Variants in GPC1 observed in about 807,000 individuals in gnomAD.
GPC1 encodes the protein glypican 1.
A neutral mutation model predicts 51.5 loss-of-function variants in GPC1; 26 were observed. The observed-to-expected ratio is 0.50, with a 90% CI of 0.37 to 0.70. The LOEUF is 0.70. Among genes scored for constraint, GPC1 ranks in the 30% least tolerant of loss-of-function variants. The pLI is 0.00. For missense variants in GPC1, 775 were observed against 800.5 expected, an observed-to-expected ratio of 0.97 and a Z score of 0.38; for synonymous variants, 380 against 348.3, an observed-to-expected ratio of 1.09 and a Z score of -1.01.
chr2:240,435,861 C>G lies in GPC1; in HGVS notation c.-58C>G. On this transcript the variant is annotated 5_prime_UTR_variant, in exon 1 of 9. Coordinates refer to ENST00000264039, the MANE Select transcript of GPC1 (RefSeq NM_002081.3). Reference sequence around the variant, plus strand: ...CTTCGCGGGCGGGAACTGCGCAGGACCCGGCCAGGATCCGAGAGAGGCGCG... The same window carrying G: ...CTTCGCGGGCGGGAACTGCGCAGGAGCCGGCCAGGATCCGAGAGAGGCGCG... 1 of 1,123,528 alleles carries G rather than the reference C, an allele frequency of 8.9e-7. No homozygotes were observed. Among genetic ancestry groups the G allele is most frequent in the Non-Finnish European group, 1.1e-6 (1 of 893,374 alleles). 69.6% of individuals were successfully genotyped at this position (1,123,528 alleles called of 1,614,324 possible). A position where few individuals can be genotyped will look rare whatever the true frequency, so the allele number is the denominator to read the frequency against.
intron 2 of GPC1, 71 bp downstream of exon 2, chr2:240,459,259 T>G: frequency 7.2e-7 from 1 of 1,394,788 alleles, no homozygotes; most frequent in Non-Finnish European, 9.9e-7. Flanking sequence ...CACTGGGCCT[T>G]GCCTGGTGTG....
chr2:240,461,143 C>T (rs1034416755), intron 2 of GPC1, among the ~76,000 whole-genome samples: 9 of 152,302 alleles, frequency 5.9e-5, no homozygotes, highest in East Asian at 5.8e-4. Flanking sequence ...GCGTTCCAGG[C>T]GCCAGGACCC....
At chr2:240,450,451 T>TG (rs2074087425) in intron 1 of GPC1, 2 of 387,948 alleles carry the variant, frequency 5.2e-6, no homozygotes, top group Non-Finnish European at 1.1e-5. Context: ...CCTGTGACCT[T>TG]GCACAGGTCA....
intron 1 of GPC1, among the ~76,000 whole-genome samples, chr2:240,436,657 C>T (rs1191984697): frequency 1.3e-5 from 2 of 152,262 alleles, no homozygotes; most frequent in South Asian, 2.1e-4. Context: ...AAGCTGACCC[C>T]CTCGGGGGGT....
At position 240,466,751 on chromosome 2, in the gene GPC1, A is replaced by G; in HGVS notation, c.*461A>G. ...CCCCCAGCCTCCAGAGAAGCCCCGC[A>G]CGGGCTGTCTGGGTGTCCGCCATCC... On this transcript the variant is annotated 3_prime_UTR_variant, in exon 9 of 9. Coordinates refer to ENST00000264039, the MANE Select transcript of GPC1 (RefSeq NM_002081.3). 1 of 162,478 alleles carries G rather than the reference A, an allele frequency of 6.2e-6. No homozygotes were observed. The highest frequency in any genetic ancestry group is 1.3e-5 in the Non-Finnish European group (1 of 75,186). 10.1% of individuals were successfully genotyped at this position (162,478 alleles called of 1,614,324 possible). A position where few individuals can be genotyped will look rare whatever the true frequency, so the allele number is the denominator to read the frequency against.
rs946939631 is a variant in GPC1, at chr2:240,448,150, C to T, written c.167-10880C>T. On this transcript the variant is annotated intron_variant, in intron 1 of 8. Coordinates refer to ENST00000264039, the MANE Select transcript of GPC1 (RefSeq NM_002081.3). The surrounding 1 kb of genome is among the most constrained non-coding windows in gnomAD (Gnocchi z 4.5). ...CAAGGGTGGAGAGTTCAGGAGGCAC[C>T]GCAGGCCCTGTGGAGAGGCAGGAAG... is the stretch of plus-strand genomic sequence containing the variant. Among the ~76,000 whole-genome samples the T allele has an allele frequency of 7.2e-5, 11 of 152,114 alleles. No individual in the cohort carries two copies. Among genetic ancestry groups the T allele is most frequent in the South Asian group, 4.2e-4 (2 of 4,816 alleles).
At chr2:240,464,556 TGTCAACGCCTGTGTGCGC>T in intron 4 of GPC1, 42 bp from the exon 5 acceptor site, 1 of 294,910 alleles carries the variant, frequency 3.4e-6, no homozygotes, top group Non-Finnish European at 5.0e-6. Flanking sequence ...TGCGTGTGCG[TGTCAACGCCTGTGTGCGC>T]GCGTTAACGC....
At chr2:240,459,698 T>G (rs976436930) in intron 2 of GPC1, among the ~76,000 whole-genome samples, 6 of 151,516 alleles carry the variant, frequency 4.0e-5, no homozygotes, top group African/African-American at 1.5e-4. Context: ...GGGGCAGGAG[T>G]CTGGGGGCCG....
At chr2:240,465,954 C>A in intron 8 of GPC1, 104 bp from the exon 9 acceptor site, 1 of 682,848 alleles carries the variant, frequency 1.5e-6, no homozygotes, top group Non-Finnish European at 2.5e-6. Flanking sequence ...TGGGATTCCA[C>A]ACCGAAAGGA....
chr2:240,451,890 C>G (rs2151790239), intron 1 of GPC1: 1 of 153,122 alleles, frequency 6.5e-6, no homozygotes. Context: ...TCAGGGGTTC[C>G]CCAAGCAGGA....
chr2:240,456,295 G>A (rs563388047), intron 1 of GPC1, among the ~76,000 whole-genome samples: 4 of 152,050 alleles, frequency 2.6e-5, no homozygotes, highest in Non-Finnish European at 4.4e-5. Flanking sequence ...CATGCCTCTC[G>A]TCAGCCTCTC....
chr2:240,441,269 C>T (rs1206589939), intron 1 of GPC1, among the ~76,000 whole-genome samples: 2 of 152,270 alleles, frequency 1.3e-5, no homozygotes, highest in African/African-American at 4.8e-5. Context: ...CTATGGCATC[C>T]ATGTGCATGG....
chr2:240,457,914 C>CG (rs1559200403), intron 1 of GPC1: 6 of 382,722 alleles, frequency 1.6e-5, no homozygotes, highest in African/African-American at 2.1e-5. Flanking sequence ...ACAACGCCCC[C>CG]CCTTGACCCC....
chr2:240,454,244 AG>A (rs1413380838), intron 1 of GPC1, among the ~76,000 whole-genome samples: 9 of 152,154 alleles, frequency 5.9e-5, no homozygotes, highest in Non-Finnish European at 1.2e-4. Flanking sequence ...GGGACTGGCC[AG>A]GGGCGCAGGC....
intron 1 of GPC1, chr2:240,453,075 GCGCCACCGTACCCGCATCCGCAGGC>G (rs2074116552): frequency 9.7e-6 from 3 of 309,350 alleles, no homozygotes; most frequent in African/African-American, 2.4e-5. Flanking sequence ...CTCTCCCGCA[GCGCCACCGTACCCGCATCCGCAGGC>G]GCGCCACCCC....
intron 1 of GPC1, chr2:240,455,934 C>T (rs1440571021): frequency 5.6e-6 from 2 of 358,522 alleles, no homozygotes. Context: ...GGGGCCGCCT[C>T]GATCCAGCCT....
chr2:240,463,736 C>T, intron 4 of GPC1: 1 of 565,748 alleles, frequency 1.8e-6, no homozygotes, highest in Non-Finnish European at 3.1e-6. Context: ...GGGAGGGAGC[C>T]CTGTGGGGTC....
rs771573745 is a variant in GPC1, at chr2:240,463,482, G to A, written c.853G>A (p.Asp285Asn). ...VLKGCLANQA[D>N]LDAEWRNLLD... ...CAAGGGCTGCCTTGCCAACCAGGCC[G>A]ACCTGGACGCCGAGTGGAGGAACCT... The change falls in exon 4 of 9, where the codon GAC (aspartate) becomes AAC (asparagine). Residue 285 changes from aspartate (D) to asparagine (N), a missense_variant. Coordinates refer to ENST00000264039, the MANE Select transcript of GPC1 (RefSeq NM_002081.3). 1.6e-5 allele frequency: 26 copies of A among 1,612,844 alleles called. No individual in the cohort carries two copies. Among genetic ancestry groups the A allele is most frequent in the African/African-American group, 9.3e-5 (7 of 74,940 alleles).
chr2:240,449,050 C>G (rs895573265), intron 1 of GPC1, among the ~76,000 whole-genome samples: 1 of 152,146 alleles, frequency 6.6e-6, no homozygotes, highest in Non-Finnish European at 1.5e-5. Context: ...CTCCGTGAGC[C>G]TCAGTCTTCC....
Sources: allele counts gnomAD v4.1 joint callset (sites outside exome capture counted in the v4.1 genomes callset), GRCh38; gene constraint gnomAD v4.1.1; non-coding constraint Gnocchi (gnomAD v3.1); transcripts MANE v1.5; gene names NCBI Gene and HGNC (gene_info 2026-07-23, HGNC 2026-07-21).